The following ITGA9 variants were observed in gnomAD, a reference collection of about 807,000 sequenced individuals.
ITGA9 encodes the protein integrin alpha-9.
In ITGA9, 56 loss-of-function variants were observed where a neutral mutation model predicts 127.8. The ratio of observed to expected loss-of-function variants is 0.44; its 90% confidence interval spans 0.35 to 0.55. The LOEUF is 0.55. Ranked by LOEUF, ITGA9 falls within the 20% of genes least tolerant of loss-of-function variation. ITGA9 has a pLI of 0.00. For synonymous variants in ITGA9, 508 were observed against 514.5 expected, an observed-to-expected ratio of 0.99 and a Z score of 0.17; for missense variants, 1,196 against 1,347.1, an observed-to-expected ratio of 0.89 and a Z score of 1.76.
chr3:37,636,202 G>A (rs146062203), intron 16 of ITGA9, among the ~76,000 whole-genome samples: 30,283 of 151,996 alleles, frequency 0.2, 3,070 homozygotes, highest in East Asian at 0.23. Flanking sequence ...CTGAGGAATC[G>A]CCATATTGAC....
intron 18 of ITGA9, among the ~76,000 whole-genome samples, chr3:37,689,487 G>A (rs759488931): frequency 1.3e-5 from 2 of 152,234 alleles, no homozygotes; most frequent in Non-Finnish European, 2.9e-5. Context: ...GGCAGGCCCA[G>A]TGCACCGTGT....
rs781182278 is a variant in ITGA9, at chr3:37,818,993, G to T, written c.*4G>T. 1.3e-6 allele frequency: 2 copies of T among 1,590,186 alleles called. No homozygotes were observed. ...CTGGGTCCAGAAAAACCAGTGAGCT[G>T]CCACACCAGTCACATGACCTGATCA... On this transcript the variant is annotated 3_prime_UTR_variant, in exon 28 of 28. Transcript: ENST00000264741.
chr3:37,509,938 A>G (rs1698884440), intron 8 of ITGA9, among the ~76,000 whole-genome samples: 1 of 152,198 alleles, frequency 6.6e-6, no homozygotes, highest in Non-Finnish European at 1.5e-5. Flanking sequence ...AGAAGATAAC[A>G]AATGGGTGAA....
intron 18 of ITGA9, among the ~76,000 whole-genome samples, chr3:37,717,976 T>C (rs1374402085): frequency 1.3e-5 from 2 of 152,180 alleles, no homozygotes; most frequent in African/African-American, 4.8e-5. Context: ...GGGAGGCCAG[T>C]TTCAGCCCCT....
At chr3:37,686,576 C>T (rs906408904) in intron 18 of ITGA9, among the ~76,000 whole-genome samples, 8 of 152,198 alleles carry the variant, frequency 5.3e-5, no homozygotes, top group African/African-American at 1.9e-4. Context: ...GGGAGCACAT[C>T]ATTTTGATCT....
intron 15 of ITGA9, among the ~76,000 whole-genome samples, chr3:37,594,361 C>G (rs1263113749): frequency 6.6e-6 from 1 of 152,160 alleles, no homozygotes; most frequent in Non-Finnish European, 1.5e-5. Flanking sequence ...CTGATATCTC[C>G]CCTTGCTCTC....
At position 37,503,270 on chromosome 3, in the gene ITGA9, C is replaced by G. The variant is rs139839965; in HGVS notation, c.705C>G (p.Asn235Lys). The G allele has an allele frequency of 3.1e-6, 5 of 1,613,858 alleles. No individual in the cohort carries two copies. The highest frequency in any genetic ancestry group is 1.7e-5 in the Admixed American group (1 of 59,996). ...NLTDNTYLKL[N>K]DEVIMNRRYT... ...CGGACAACACCTATTTAAAACTGAA[C>G]GACGAAGTGATCATGAACAGGCGGT... Residue 235 changes from asparagine (N) to lysine (K), a missense_variant, in exon 6 of 28, where the codon AAC becomes AAG. By Grantham distance (94) the Asn-to-Lys change is moderately conservative (BLOSUM62 0). Coordinates refer to ENST00000264741, the MANE Select transcript of ITGA9 (RefSeq NM_002207.3).
At chr3:37,619,099 C>A (rs528293065) in intron 15 of ITGA9, among the ~76,000 whole-genome samples, 1 of 152,212 alleles carries the variant, frequency 6.6e-6, no homozygotes, top group East Asian at 1.9e-4. Context: ...TGGCCGTCTT[C>A]GCTGTTATTT....
intron 15 of ITGA9, among the ~76,000 whole-genome samples, chr3:37,625,845 A>G (rs765303197): frequency 5.3e-5 from 8 of 152,192 alleles, no homozygotes; most frequent in South Asian, 2.1e-4. Flanking sequence ...GCCTGTTTCT[A>G]ATTGCTGCAC....
At chr3:37,701,160 A>G (rs1700941644) in intron 18 of ITGA9, among the ~76,000 whole-genome samples, 1 of 152,240 alleles carries the variant, frequency 6.6e-6, no homozygotes, top group Non-Finnish European at 1.5e-5. Context: ...TCCTTTGTCC[A>G]CATGGGTTTC....
intron 17 of ITGA9, among the ~76,000 whole-genome samples, chr3:37,681,827 C>T (rs1456235907): frequency 6.6e-6 from 1 of 151,984 alleles, no homozygotes; most frequent in African/African-American, 2.4e-5. Context: ...CATTTCCCTC[C>T]ATCTCCTCAC....
intron 22 of ITGA9, among the ~76,000 whole-genome samples, chr3:37,746,509 A>G (rs1374533768): frequency 3.3e-5 from 5 of 152,256 alleles, no homozygotes; most frequent in Admixed American, 6.5e-5. Flanking sequence ...CAGTATAAAG[A>G]CATTTGTTAA....
In ITGA9 at chr3:37,786,841, G is replaced by C. The variant is rs1023439079; in HGVS notation, c.2889+1763G>C. Among the ~76,000 whole-genome samples the C allele has an allele frequency of 2.0e-5, 3 of 152,150 alleles. No homozygotes were observed. In the East Asian group the frequency reaches 5.8e-4, roughly 29 times the overall value. ...AGTTGTCCAAGCACTATTTTTGTTT[G>C]TTTGTTTGTTTCTTTGTTTGTTTGA... is the stretch of plus-strand genomic sequence containing the variant. On this transcript the variant is annotated intron_variant, in intron 26 of 27. Coordinates refer to ENST00000264741, the MANE Select transcript of ITGA9 (RefSeq NM_002207.3).
chr3:37,741,691 T>C, intron 20 of ITGA9, 39 bp from the exon 21 acceptor site: 1 of 1,505,790 alleles, frequency 6.6e-7, no homozygotes, highest in East Asian at 2.3e-5. Flanking sequence ...GGACAGCTAG[T>C]GTTGGCCAGC....
At chr3:37,540,063 G>A (rs929737347) in intron 14 of ITGA9, among the ~76,000 whole-genome samples, 2 of 152,216 alleles carry the variant, frequency 1.3e-5, no homozygotes, top group Non-Finnish European at 2.9e-5. Flanking sequence ...AAAGCCAAGA[G>A]GATATGGGTG....
At chr3:37,761,261 A>T (rs1312319303) in intron 23 of ITGA9, among the ~76,000 whole-genome samples, 1 of 152,248 alleles carries the variant, frequency 6.6e-6, no homozygotes, top group Non-Finnish European at 1.5e-5. Context: ...GCACTTTCAA[A>T]TACTGCTGGT....
intron 18 of ITGA9, among the ~76,000 whole-genome samples, chr3:37,688,412 A>C (rs552305842): frequency 6.6e-6 from 1 of 152,362 alleles, no homozygotes; most frequent in South Asian, 2.1e-4. Flanking sequence ...CAAATGTAAA[A>C]AAAAGTATTG....
intron 17 of ITGA9, among the ~76,000 whole-genome samples, chr3:37,676,159 T>C (rs1188705398): frequency 6.6e-6 from 1 of 152,176 alleles, no homozygotes; most frequent in African/African-American, 2.4e-5. Flanking sequence ...CCATATTATA[T>C]CGTAAGTAAA....
At chr3:37,558,071 G>A (rs568499728) in intron 15 of ITGA9, among the ~76,000 whole-genome samples, 1 of 152,316 alleles carries the variant, frequency 6.6e-6, no homozygotes, top group East Asian at 1.9e-4. Flanking sequence ...CTTGGACGAG[G>A]TTGCACTTTT....
Sources: allele counts gnomAD v4.1 joint callset (sites outside exome capture counted in the v4.1 genomes callset), GRCh38; gene constraint gnomAD v4.1.1; transcripts MANE v1.5; gene names NCBI Gene and HGNC (gene_info 2026-07-23, HGNC 2026-07-21).